Variants in CRISPLD2 observed in about 807,000 individuals in gnomAD.
The protein encoded by CRISPLD2 is cysteine-rich secretory protein LCCL domain-containing 2.
CRISPLD2 carries 47 observed loss-of-function variants against 71.1 expected under a neutral mutation model. The observed-to-expected ratio is 0.66, with a 90% CI of 0.52 to 0.84. The LOEUF (loss-of-function observed/expected upper bound fraction) is 0.84. Ranked by LOEUF, CRISPLD2 falls within the 40% of genes least tolerant of loss-of-function variation. The pLI is 0.00. For missense variants in CRISPLD2, 830 were observed against 651.1 expected, an observed-to-expected ratio of 1.27 and a Z score of -2.99; for synonymous variants, 317 against 250.1, an observed-to-expected ratio of 1.27 and a Z score of -2.52.
chr16:84,857,285 G>A (rs985599399), intron 6 of CRISPLD2, among the ~76,000 whole-genome samples: 2 of 152,244 alleles, frequency 1.3e-5, no homozygotes, highest in Admixed American at 6.5e-5. Context: ...ATTGAGTGGT[G>A]TCCACAGAAT....
chr16:84,891,883 A>G (rs1158539150), intron 14 of CRISPLD2, among the ~76,000 whole-genome samples: 2 of 152,194 alleles, frequency 1.3e-5, no homozygotes, highest in African/African-American at 2.4e-5. Flanking sequence ...CCAAATCGCC[A>G]CTGTCGCTGT....
chr16:84,875,254 C>CAT (rs890854668), intron 11 of CRISPLD2, among the ~76,000 whole-genome samples: 4 of 121,342 alleles, frequency 3.3e-5, no homozygotes, highest in African/African-American at 1.0e-4. Flanking sequence ...AAAATATATA[C>CAT]ATATGTGTGT....
intron 2 of CRISPLD2, among the ~76,000 whole-genome samples, chr16:84,843,609 T>G (rs1488918889): frequency 6.6e-6 from 1 of 152,220 alleles, no homozygotes; most frequent in Non-Finnish European, 1.5e-5. Context: ...CTCATAGGGT[T>G]GTTTGGAGGA....
At chr16:84,825,774 T>A (rs1916336501) in intron 1 of CRISPLD2, among the ~76,000 whole-genome samples, 4 of 150,884 alleles carry the variant, frequency 2.7e-5, no homozygotes, top group Non-Finnish European at 3.0e-5. Flanking sequence ...AATAAATAAA[T>A]AAAAATAAAT....
chr16:84,825,023 G>C (rs1212494001), intron 1 of CRISPLD2, among the ~76,000 whole-genome samples: 1 of 152,142 alleles, frequency 6.6e-6, no homozygotes, highest in Non-Finnish European at 1.5e-5. Flanking sequence ...AGAATTGCTT[G>C]AACCCGGGAG....
chr16:84,827,562 T>G (rs562442239), intron 1 of CRISPLD2, among the ~76,000 whole-genome samples: 1 of 149,556 alleles, frequency 6.7e-6, no homozygotes, highest in South Asian at 2.1e-4. Context: ...CCCTTTCTTT[T>G]TTTTTTTTTT....
Position 84,850,487 on chromosome 16 carries a change from A to G in CRISPLD2, c.493-81A>G. 2.7e-6 allele frequency: 3 copies of G among 1,108,690 alleles called. No homozygotes were observed. The South Asian group carries it at 3.8e-5, about 14-fold the overall frequency. 68.7% of individuals were successfully genotyped at this position (1,108,690 alleles called of 1,614,324 possible). A position where few individuals can be genotyped will look rare whatever the true frequency, so the allele number is the denominator to read the frequency against. The stretch of plus-strand genomic sequence containing the variant: ...CACCTCGTACCTCTTTAGTGCCAGC[A>G]CCTTATACATCCAGGCCAAATGATA... On this transcript the variant is annotated intron_variant, in intron 4 of 14. Transcript: ENST00000262424.
intron 11 of CRISPLD2, among the ~76,000 whole-genome samples, chr16:84,875,219 T>C (rs2071507088): frequency 2.0e-5 from 3 of 151,828 alleles, no homozygotes; most frequent in African/African-American, 7.3e-5. Flanking sequence ...CCAGCCTGGG[T>C]GACAGAGCAA....
At chr16:84,904,076 A>G (rs2071779582) in intron 14 of CRISPLD2, among the ~76,000 whole-genome samples, 1 of 152,234 alleles carries the variant, frequency 6.6e-6, no homozygotes. Context: ...TGCAGTTATC[A>G]TCTGGGGCAG....
intron 1 of CRISPLD2, among the ~76,000 whole-genome samples, chr16:84,830,641 T>C (rs1269915924): frequency 6.6e-6 from 1 of 151,998 alleles, no homozygotes; most frequent in Non-Finnish European, 1.5e-5. Flanking sequence ...CGGTGGAGGT[T>C]GCAGTGAGCT....
chr16:84,853,639 G>T (rs556806923), intron 5 of CRISPLD2, among the ~76,000 whole-genome samples: 7 of 152,304 alleles, frequency 4.6e-5, no homozygotes, highest in Non-Finnish European at 7.3e-5. Context: ...GTTTCCTGCC[G>T]TTTGTCTTTG....
chr16:84,856,618 TG>T (rs1289613002), intron 6 of CRISPLD2, among the ~76,000 whole-genome samples: 4 of 152,272 alleles, frequency 2.6e-5, no homozygotes. Context: ...TCGTGAATAT[TG>T]GCTATGGGAG....
intron 13 of CRISPLD2, among the ~76,000 whole-genome samples, chr16:84,884,526 G>C (rs374256591): frequency 1.3e-4 from 20 of 152,350 alleles, no homozygotes; most frequent in African/African-American, 4.8e-4. Flanking sequence ...CTTCATGGAT[G>C]TCAATTGTTA....
At chr16:84,889,144 C>G (rs1046292664) in intron 13 of CRISPLD2, 86 bp from the exon 14 acceptor site, 6 of 1,573,386 alleles carry the variant, frequency 3.8e-6, no homozygotes, top group Non-Finnish European at 5.2e-6. Context: ...AGCCAGGTTG[C>G]CCAGCAGTGA....
chr16:84,844,866 T>C (rs1480071838), intron 2 of CRISPLD2, among the ~76,000 whole-genome samples: 2 of 152,142 alleles, frequency 1.3e-5, no homozygotes, highest in Non-Finnish European at 2.9e-5. Context: ...GGGCATCTTG[T>C]AGGCTTCCCC....
intron 13 of CRISPLD2, among the ~76,000 whole-genome samples, chr16:84,882,864 G>C (rs1337163813): frequency 1.3e-5 from 2 of 152,222 alleles, no homozygotes; most frequent in Non-Finnish European, 2.9e-5. Flanking sequence ...TGACAAACAG[G>C]TGAACATGTG....
chr16:84,892,724 C>G (rs1350936416), intron 14 of CRISPLD2, among the ~76,000 whole-genome samples: 3 of 152,064 alleles, frequency 2.0e-5, no homozygotes, highest in South Asian at 2.1e-4. Context: ...ACCTGTAATC[C>G]CAGCACTTTG....
rs923127141 is a variant in CRISPLD2 at position 84,909,435 on chromosome 16, T to C, written c.*2793T>C. 2 of 152,688 alleles carry C rather than the reference T, an allele frequency of 1.3e-5. No homozygotes were observed. Among genetic ancestry groups the C allele is most frequent in the African/African-American group, 4.8e-5 (2 of 41,472 alleles). 9.5% of individuals were successfully genotyped at this position (152,688 alleles called of 1,614,324 possible). A position where few individuals can be genotyped will look rare whatever the true frequency, so the allele number is the denominator to read the frequency against. On this transcript the variant is annotated 3_prime_UTR_variant, in exon 15 of 15. Transcript: ENST00000262424. ...AATTGTTTCAGTAGAACTGGTTTGA[T>C]TTCTAAAATGTTCCTGTAACATATC...
intron 8 of CRISPLD2, 152 bp downstream of exon 8, chr16:84,869,063 C>T: frequency 1.5e-6 from 1 of 660,370 alleles, no homozygotes; most frequent in Non-Finnish European, 2.5e-6. Context: ...TAGGGCTGGG[C>T]AGTGTCTGGG....
Sources: allele counts gnomAD v4.1 joint callset (sites outside exome capture counted in the v4.1 genomes callset), GRCh38; gene constraint gnomAD v4.1.1; transcripts MANE v1.5; gene names NCBI Gene and HGNC (gene_info 2026-07-23, HGNC 2026-07-21).